Variants in SHROOM3 observed in about 807,000 individuals in gnomAD.
The protein encoded by SHROOM3 is shroom family member 3.
Under a neutral mutation model 138.6 loss-of-function variants are expected in SHROOM3, and 47 were observed. That is an observed-to-expected ratio of 0.34 (90% CI 0.27 to 0.43). The LOEUF is 0.43. Ranked by LOEUF, SHROOM3 falls within the 20% of genes least tolerant of loss-of-function variation. The pLI, the probability that SHROOM3 is intolerant of heterozygous loss-of-function variation, is 1.00. For synonymous variants in SHROOM3, 1,062 were observed against 1,063.3 expected, an observed-to-expected ratio of 1.00 and a Z score of 0.02; for missense variants, 2,491 against 2,596.5, an observed-to-expected ratio of 0.96 and a Z score of 0.88.
intron 1 of SHROOM3, among the ~76,000 whole-genome samples, chr4:76,453,402 C>A (rs1229915169): frequency 6.6e-6 from 1 of 151,978 alleles, no homozygotes; most frequent in African/African-American, 2.4e-5. Context: ...CCTCAGCCTC[C>A]AGAGTATCTG....
intron 2 of SHROOM3, among the ~76,000 whole-genome samples, chr4:76,671,864 G>C (rs1718894719): frequency 6.6e-6 from 1 of 152,026 alleles, no homozygotes; most frequent in Non-Finnish European, 1.5e-5. Context: ...TGATATTTTT[G>C]CATTATATAT....
rs1382511498 is a variant in SHROOM3 at position 76,602,886 on chromosome 4, T to C, written c.323+47123T>C. Among the ~76,000 whole-genome samples the C allele has an allele frequency of 2.0e-5, 3 of 152,224 alleles. No individual in the cohort carries two copies. In the East Asian group the frequency reaches 5.8e-4, roughly 29 times the overall value. The stretch of plus-strand genomic sequence containing the variant: ...TTCAAAATGAGGATAACAGTCATAG[T>C]ATTTTTCTTAGAAGGTGATTATAAG... On this transcript the variant is annotated intron_variant, in intron 2 of 10. Transcript: ENST00000296043.
intron 2 of SHROOM3, among the ~76,000 whole-genome samples, chr4:76,662,005 A>T (rs570465655): frequency 1.3e-5 from 2 of 152,326 alleles, no homozygotes; most frequent in Admixed American, 6.5e-5. Context: ...TGGTACTGGC[A>T]GTTGTGTTAG....
chr4:76,616,865 A>G (rs1026628294), intron 2 of SHROOM3, among the ~76,000 whole-genome samples: 12 of 152,224 alleles, frequency 7.9e-5, no homozygotes, highest in African/African-American at 2.9e-4. Context: ...ATACCTAAAG[A>G]AATAACAATA....
At chr4:76,631,542 C>T (rs945478043) in intron 2 of SHROOM3, among the ~76,000 whole-genome samples, 1 of 151,994 alleles carries the variant, frequency 6.6e-6, no homozygotes, top group Non-Finnish European at 1.5e-5. Flanking sequence ...GAAACCTAAA[C>T]CATAGGAAAG....
At chr4:76,642,796 A>C (rs1384426583) in intron 2 of SHROOM3, among the ~76,000 whole-genome samples, 1 of 151,970 alleles carries the variant, frequency 6.6e-6, no homozygotes, top group Non-Finnish European at 1.5e-5. Flanking sequence ...CAAAATGCTG[A>C]TCTGGGTGGG....
intron 1 of SHROOM3, among the ~76,000 whole-genome samples, chr4:76,552,141 C>A (rs962892655): frequency 2.6e-5 from 4 of 150,974 alleles, no homozygotes; most frequent in Non-Finnish European, 5.9e-5. Context: ...GGATTACAGG[C>A]ATGAGCCACT....
chr4:76,488,745 T>C (rs148593456), intron 1 of SHROOM3, among the ~76,000 whole-genome samples: 190 of 152,332 alleles, frequency 1.2e-3, no homozygotes, highest in Non-Finnish European at 2.0e-3. Flanking sequence ...AAAGTATTAG[T>C]AATAACAACA....
intron 1 of SHROOM3, among the ~76,000 whole-genome samples, chr4:76,523,395 A>G (rs114482801): frequency 7.2e-5 from 11 of 152,206 alleles, no homozygotes; most frequent in Admixed American, 2.0e-4. Flanking sequence ...ACACTGTTCA[A>G]CCCAGTAAGG....
intron 2 of SHROOM3, among the ~76,000 whole-genome samples, chr4:76,560,003 G>A (rs1303691055): frequency 6.6e-6 from 1 of 152,168 alleles, no homozygotes; most frequent in African/African-American, 2.4e-5. Flanking sequence ...AAAATAATAA[G>A]TGGGTCAGAG....
chr4:76,673,627 A>G (rs920934311), intron 2 of SHROOM3, among the ~76,000 whole-genome samples: 1 of 152,104 alleles, frequency 6.6e-6, no homozygotes, highest in Non-Finnish European at 1.5e-5. Flanking sequence ...GAATTAGGCT[A>G]TTTTCTTCTT....
At chr4:76,721,174 A>T (rs1041904444) in intron 3 of SHROOM3, among the ~76,000 whole-genome samples, 100 of 150,660 alleles carry the variant, frequency 6.6e-4, no homozygotes, top group Middle Eastern at 6.9e-3. Flanking sequence ...AGCCGGGCGT[A>T]GTGGCGGGCG....
intron 2 of SHROOM3, among the ~76,000 whole-genome samples, chr4:76,585,209 G>A (rs1335768367): frequency 1.3e-5 from 2 of 152,130 alleles, no homozygotes; most frequent in Non-Finnish European, 2.9e-5. Context: ...GTGTGGGGAG[G>A]GGGGCATGCT....
intron 1 of SHROOM3, among the ~76,000 whole-genome samples, chr4:76,502,618 A>G (rs890225979): frequency 7.2e-5 from 11 of 152,230 alleles, no homozygotes; most frequent in African/African-American, 2.7e-4. Context: ...AGAAGTGTTG[A>G]ACGATTTTGT....
At chr4:76,682,626 A>G (rs371967405) in intron 2 of SHROOM3, among the ~76,000 whole-genome samples, 4 of 152,086 alleles carry the variant, frequency 2.6e-5, no homozygotes, top group African/African-American at 9.7e-5. Flanking sequence ...AGGAGAGAGA[A>G]AGGAAAGGTA....
chr4:76,644,677 G>A (rs554704512), intron 2 of SHROOM3, among the ~76,000 whole-genome samples: 2 of 151,756 alleles, frequency 1.3e-5, no homozygotes, highest in East Asian at 3.9e-4. Flanking sequence ...ATCAAATCAG[G>A]GTAATTAGCA....
At position 76,609,093 on chromosome 4, in the gene SHROOM3, T is replaced by A. The variant is rs138524170; in HGVS notation, c.323+53330T>A. Reference sequence around the variant, plus strand: ...ATATTTTACTAAGTGAATTAGGATATACAATTAACAAGAACACTTCTCTAA... The same window carrying A: ...ATATTTTACTAAGTGAATTAGGATAAACAATTAACAAGAACACTTCTCTAA... On this transcript the variant is annotated intron_variant, in intron 2 of 10. Coordinates refer to ENST00000296043, the MANE Select transcript of SHROOM3 (RefSeq NM_020859.4). Among the ~76,000 whole-genome samples, 22 of 152,248 alleles carry A rather than the reference T, an allele frequency of 1.4e-4. No individual in the cohort carries two copies. The East Asian group carries it at 3.7e-3, about 25-fold the overall frequency.
At chr4:76,500,443 T>C (rs1732066138) in intron 1 of SHROOM3, among the ~76,000 whole-genome samples, 2 of 152,188 alleles carry the variant, frequency 1.3e-5, no homozygotes, top group Admixed American at 6.5e-5. Flanking sequence ...CCATCTCATG[T>C]TGGTTCCTTT....
chr4:76,698,384 A>G (rs545503511), intron 2 of SHROOM3, among the ~76,000 whole-genome samples: 45 of 152,338 alleles, frequency 3.0e-4, no homozygotes, highest in Non-Finnish European at 5.4e-4. Flanking sequence ...AAGATTCCTC[A>G]GCTGATGCCA....
Sources: gnomAD v4.1 joint callset for allele counts (sites outside exome capture counted in the v4.1 genomes callset) on GRCh38, gnomAD v4.1.1 for gene constraint, MANE v1.5 for transcripts, NCBI Gene and HGNC (gene_info 2026-07-23, HGNC 2026-07-21) for gene names.